The following PTN variants were observed in gnomAD, a reference collection of about 807,000 sequenced individuals.
PTN encodes pleiotrophin, also known as heparin affin regulatory protein.
In PTN, 18 loss-of-function variants were observed where a neutral mutation model predicts 24.1. The ratio of observed to expected loss-of-function variants is 0.75; its 90% CI spans 0.52 to 1.11. The LOEUF is 1.11. Ranked by LOEUF, PTN falls within the 50% of genes least tolerant of loss-of-function variation. PTN has a pLI of 0.00. For missense variants in PTN, 163 were observed against 198.8 expected, an observed-to-expected ratio of 0.82 and a Z score of 1.08; for synonymous variants, 78 against 68.6, an observed-to-expected ratio of 1.14 and a Z score of -0.67.
chr7:137,331,901 A>C (rs905224505), intron 1 of PTN, among the ~76,000 whole-genome samples: 3 of 152,214 alleles, frequency 2.0e-5, no homozygotes, highest in Non-Finnish European at 4.4e-5. Context: ...TCTAAACAGC[A>C]CATCTGCAAG....
intron 1 of PTN, among the ~76,000 whole-genome samples, chr7:137,303,913 C>T: frequency 6.6e-6 from 1 of 152,090 alleles, no homozygotes; most frequent in East Asian, 1.9e-4. Context: ...GCATATGTTG[C>T]ATTCCCCACA....
At chr7:137,321,635 A>G (rs1464223300) in intron 1 of PTN, among the ~76,000 whole-genome samples, 2 of 152,174 alleles carry the variant, frequency 1.3e-5, no homozygotes, top group Admixed American at 1.3e-4. Flanking sequence ...CTTCTGTTTA[A>G]TCACTACCAG....
intron 4 of PTN, among the ~76,000 whole-genome samples, chr7:137,229,138 T>A (rs6956523): frequency 0.27 from 40,334 of 151,732 alleles, 7,360 homozygotes; most frequent in African/African-American, 0.52. Flanking sequence ...ACCTGTTCTA[T>A]AAAATCTACT....
At chr7:137,239,544 TC>T (rs1808588782) in intron 4 of PTN, among the ~76,000 whole-genome samples, 2 of 151,582 alleles carry the variant, frequency 1.3e-5, no homozygotes, top group South Asian at 2.1e-4. Context: ...GTGCTATCCC[TC>T]CCCCCTCCTC....
chr7:137,294,183 G>T (rs2128877610), intron 1 of PTN, among the ~76,000 whole-genome samples: 1 of 152,128 alleles, frequency 6.6e-6, no homozygotes, highest in Non-Finnish European at 1.5e-5. Flanking sequence ...TATTGTTGTT[G>T]TTATTTTTTT....
chr7:137,296,278 T>A (rs1809717132), intron 1 of PTN, among the ~76,000 whole-genome samples: 2 of 152,104 alleles, frequency 1.3e-5, no homozygotes, highest in Admixed American at 1.3e-4. Flanking sequence ...ATAATAAATA[T>A]TTCTGTAAGC....
intron 1 of PTN, among the ~76,000 whole-genome samples, chr7:137,275,420 A>G (rs322246): frequency 0.56 from 85,341 of 151,920 alleles, 24,820 homozygotes; most frequent in East Asian, 0.75. Flanking sequence ...GAAAGATAAT[A>G]TCCCAAGTTA....
intron 4 of PTN, among the ~76,000 whole-genome samples, chr7:137,242,071 A>C (rs1808638075): frequency 6.6e-6 from 1 of 152,208 alleles, no homozygotes. Context: ...AACTTCTTTT[A>C]TCTTTAAAAG....
intron 1 of PTN, among the ~76,000 whole-genome samples, chr7:137,303,431 T>C (rs924292627): frequency 6.6e-6 from 1 of 151,956 alleles, no homozygotes; most frequent in Non-Finnish European, 1.5e-5. Context: ...ATGAGACTTA[T>C]CTTAGTATGA....
At chr7:137,342,067 C>G (rs532644310) in intron 1 of PTN, among the ~76,000 whole-genome samples, 1 of 152,218 alleles carries the variant, frequency 6.6e-6, no homozygotes, top group South Asian at 2.1e-4. Flanking sequence ...GAAAATACAG[C>G]TTTATTTTCT....
chr7:137,314,920 C>T (rs1034532570), intron 1 of PTN, among the ~76,000 whole-genome samples: 2 of 152,108 alleles, frequency 1.3e-5, no homozygotes, highest in Non-Finnish European at 2.9e-5. Flanking sequence ...CTAGTGACTC[C>T]TCCATGTTTT....
chr7:137,279,378 A>G (rs1460287527), intron 1 of PTN, among the ~76,000 whole-genome samples: 1 of 152,244 alleles, frequency 6.6e-6, no homozygotes, highest in African/African-American at 2.4e-5. Context: ...TGATGAAATT[A>G]AGATGCACCA....
At chr7:137,261,902 T>A in intron 1 of PTN, among the ~76,000 whole-genome samples, 1 of 152,220 alleles carries the variant, frequency 6.6e-6, no homozygotes, top group Admixed American at 6.5e-5. Flanking sequence ...GGAGATCTTA[T>A]GATTTATACT....
chr7:137,237,573 C>A (rs1403988698), intron 4 of PTN, among the ~76,000 whole-genome samples: 1 of 152,014 alleles, frequency 6.6e-6, no homozygotes, highest in East Asian at 1.9e-4. Context: ...AATTTTAAGT[C>A]ATTTAAATAT....
At chr7:137,335,715 G>C (rs1332022102) in intron 1 of PTN, among the ~76,000 whole-genome samples, 1 of 152,090 alleles carries the variant, frequency 6.6e-6, no homozygotes, top group Non-Finnish European at 1.5e-5. Flanking sequence ...CTGGGTGACT[G>C]GTATGAACAT....
chr7:137,229,236 T>C (rs1443418520), intron 4 of PTN, among the ~76,000 whole-genome samples: 1 of 151,780 alleles, frequency 6.6e-6, no homozygotes, highest in East Asian at 1.9e-4. Context: ...AAGAGATCAT[T>C]ACCCTGTATA....
intron 4 of PTN, among the ~76,000 whole-genome samples, chr7:137,244,279 C>T (rs75967324): frequency 0.015 from 2,260 of 152,056 alleles, 67 homozygotes; most frequent in African/African-American, 0.053. Context: ...TCCAGATGTG[C>T]ACATTTCAAT....
chr7:137,291,315 CAT>C (rs951507366), intron 1 of PTN, among the ~76,000 whole-genome samples: 3 of 152,116 alleles, frequency 2.0e-5, no homozygotes, highest in Non-Finnish European at 2.9e-5. Flanking sequence ...TTTTATACTA[CAT>C]GTTTATTATC....
At chr7:137,233,402 C>T (rs543925939) in intron 4 of PTN, among the ~76,000 whole-genome samples, 3 of 152,012 alleles carry the variant, frequency 2.0e-5, no homozygotes, top group South Asian at 4.1e-4. Context: ...AGATTATGTC[C>T]TCTGCAATCT....
Sources: gnomAD v4.1 joint callset for allele counts (sites outside exome capture counted in the v4.1 genomes callset) on GRCh38, gnomAD v4.1.1 for gene constraint, MANE v1.5 for transcripts, NCBI Gene and HGNC (gene_info 2026-07-23, HGNC 2026-07-21) for gene names.